UPK1A: variants seen among roughly 807,000 people sequenced by gnomAD.
UPK1A encodes the protein uroplakin-1a.
UPK1A carries 31 observed loss-of-function variants against 32.3 expected under a neutral mutation model. The ratio of observed to expected loss-of-function variants is 0.96; its 90% CI spans 0.72 to 1.30. UPK1A has a LOEUF of 1.30. Among genes scored for constraint, UPK1A ranks in the 50% most tolerant of loss-of-function variants. The pLI is 0.00. For missense variants in UPK1A, 340 were observed against 357.4 expected, an observed-to-expected ratio of 0.95 and a Z score of 0.39; for synonymous variants, 135 against 137.1, an observed-to-expected ratio of 0.98 and a Z score of 0.11.
chr19:35,676,154 T>C, intron 6 of UPK1A, 135 bp downstream of exon 6: 1 of 1,016,722 alleles, frequency 9.8e-7, no homozygotes, highest in Non-Finnish European at 1.4e-6. Context: ...TTCCCCTCTC[T>C]GATTTTCTTG....
intron 3 of UPK1A, among the ~76,000 whole-genome samples, chr19:35,669,858 G>A (rs970693537): frequency 2.0e-5 from 3 of 152,104 alleles, no homozygotes; most frequent in Non-Finnish European, 4.4e-5. Flanking sequence ...GTGTTTCCTC[G>A]ACAGCAGAGG....
exon 8 of UPK1A, chr19:35,678,138 G>C: frequency 1.6e-6 from 2 of 1,260,808 alleles, no homozygotes; most frequent in Non-Finnish European, 2.2e-6. Flanking sequence ...TAGCCCTTAC[G>C]TCCTTCCACT....
chr19:35,677,922 G>A (rs1201953523), intron 7 of UPK1A, 27 bp downstream of exon 7: 1 of 1,596,844 alleles, frequency 6.3e-7, no homozygotes, highest in South Asian at 1.1e-5. Context: ...CCACAGGCTG[G>A]GTGGGCTGGG....
intron 3 of UPK1A, among the ~76,000 whole-genome samples, chr19:35,669,419 C>T (rs978109752): frequency 8.0e-5 from 12 of 150,790 alleles, no homozygotes; most frequent in South Asian, 2.1e-4. Context: ...AATCCCAGCA[C>T]GTGGGGAGGC....
At chr19:35,670,215 G>A (rs1017626287) in intron 3 of UPK1A, among the ~76,000 whole-genome samples, 13 of 152,348 alleles carry the variant, frequency 8.5e-5, no homozygotes, top group East Asian at 7.7e-4. Context: ...CTGGAGCTGA[G>A]TGAGGAGGAG....
chr19:35,669,361 C>A (rs1453383693), intron 3 of UPK1A, among the ~76,000 whole-genome samples: 1 of 152,058 alleles, frequency 6.6e-6, no homozygotes, highest in Non-Finnish European at 1.5e-5. Flanking sequence ...CTAGGGTAAG[C>A]AGTTTAGAAA....
intron 6 of UPK1A, among the ~76,000 whole-genome samples, chr19:35,676,831 G>A (rs1472039957): frequency 6.6e-6 from 1 of 151,030 alleles, no homozygotes; most frequent in African/African-American, 2.4e-5. Context: ...CTCTGGAGGT[G>A]AAGGTTGCAG....
At chr19:35,668,519 A>G in exon 3 of UPK1A, 1 of 1,614,044 alleles carries the variant, frequency 6.2e-7, no homozygotes, top group Non-Finnish European at 8.5e-7. Context: ...GTGTATACCC[A>G]CTGATGGGAG....
exon 8 of UPK1A, chr19:35,678,195 T>A: frequency 1.3e-6 from 1 of 776,624 alleles, no homozygotes; most frequent in South Asian, 2.2e-5. Flanking sequence ...GTCTCAGGTG[T>A]GCCCTGAAAC....
chr19:35,675,302 A>G (rs1475947744), intron 5 of UPK1A, among the ~76,000 whole-genome samples: 2 of 151,888 alleles, frequency 1.3e-5, no homozygotes, highest in African/African-American at 4.8e-5. Flanking sequence ...ATTTTTTGAG[A>G]TGGAGTTTCA....
intron 3 of UPK1A, among the ~76,000 whole-genome samples, chr19:35,670,573 C>G (rs1317511829): frequency 1.0e-5 from 1 of 99,526 alleles, no homozygotes; most frequent in African/African-American, 4.0e-5. Context: ...CCCCTCCCCA[C>G]CTCCCTCCTT....
At chr19:35,671,933 G>A (rs188506407) in intron 3 of UPK1A, among the ~76,000 whole-genome samples, 190 of 152,120 alleles carry the variant, frequency 1.2e-3, no homozygotes, top group Non-Finnish European at 2.1e-3. Flanking sequence ...CATTCTAGAT[G>A]CCAAGTCACT....
intron 2 of UPK1A, chr19:35,668,124 C>A (rs538456104): frequency 2.9e-5 from 12 of 408,848 alleles, no homozygotes; most frequent in African/African-American, 2.4e-4. Flanking sequence ...ATGTTCCCCT[C>A]CTCGGGGAAT....
chr19:35,675,968 C>T (rs764691019), exon 6 of UPK1A: 1 of 1,613,912 alleles, frequency 6.2e-7, no homozygotes, highest in Admixed American at 1.7e-5. Flanking sequence ...ACTTCATCCC[C>T]CTCAACGAGG....
At chr19:35,677,791 T>C (rs757099525) in intron 6 of UPK1A, 21 bp from the exon 7 acceptor site, 4 of 1,611,956 alleles carry the variant, frequency 2.5e-6, no homozygotes, top group Admixed American at 1.7e-5. Flanking sequence ...CTTCTCAAAC[T>C]TCCCCCATCC....
chr19:35,668,090 T>G, intron 2 of UPK1A: 8 of 328,826 alleles, frequency 2.4e-5, no homozygotes, highest in East Asian at 7.6e-5. Flanking sequence ...GCCTGGCCCA[T>G]TTGTAATGTT....
chr19:35,668,381 C>T (rs547087553), intron 2 of UPK1A, 73 bp from the exon 3 acceptor site: 2 of 1,583,954 alleles, frequency 1.3e-6, no homozygotes, highest in South Asian at 2.2e-5. Flanking sequence ...GGGGAGGGAA[C>T]TTGCTCGTGG....
chr19:35,667,165 A>C (rs1968011386), intron 2 of UPK1A, among the ~76,000 whole-genome samples: 1 of 152,178 alleles, frequency 6.6e-6, no homozygotes, highest in Non-Finnish European at 1.5e-5. Flanking sequence ...TGTGGCCCTC[A>C]GCTCAGAGAA....
Position 35,666,907 on chromosome 19 carries a change from C to A in UPK1A, c.84+11C>A. 1.2e-6 allele frequency: 2 copies of A among 1,613,816 alleles called. No homozygotes were observed. Among genetic ancestry groups the A allele is most frequent in the Non-Finnish European group, 1.7e-6 (2 of 1,179,824 alleles). On this transcript the variant is annotated intron_variant, in intron 2 of 7. Coordinates refer to ENST00000617999, the Ensembl canonical transcript of UPK1A. ...AATATCATTATTCTGGTGAGACTCG[C>A]CCCAGTGCTGGGAGCCGAGTGGTTG...
Sources: gnomAD v4.1 joint callset for allele counts (sites outside exome capture counted in the v4.1 genomes callset) on GRCh38, gnomAD v4.1.1 for gene constraint, MANE v1.5 for transcripts, NCBI Gene and HGNC (gene_info 2026-07-23, HGNC 2026-07-21) for gene names.